The following LY75 variants were observed in gnomAD, a reference collection of about 807,000 sequenced individuals.
The protein encoded by LY75 is lymphocyte antigen 75.
A neutral mutation model predicts 231.7 loss-of-function variants in LY75; 185 were observed. The ratio of observed to expected loss-of-function variants is 0.80; its 90% CI spans 0.71 to 0.90. The LOEUF is 0.90. Ranked by LOEUF, LY75 falls within the 40% of genes least tolerant of loss-of-function variation. The probability of loss-of-function intolerance (pLI) is 0.00; values close to 1 mark genes in which losing one functional copy is unlikely to be tolerated. For synonymous variants in LY75, 668 were observed against 689.0 expected, an observed-to-expected ratio of 0.97 and a Z score of 0.48; for missense variants, 1,947 against 2,050.2, an observed-to-expected ratio of 0.95 and a Z score of 0.97.
At chr2:159,848,101 CACAT>C (rs1380980794) in intron 23 of LY75, among the ~76,000 whole-genome samples, 7 of 137,304 alleles carry the variant, frequency 5.1e-5, no homozygotes, top group Non-Finnish European at 1.0e-4. Context: ...TATACACACA[CACAT>C]ACACACACCA....
chr2:159,846,312 G>T (rs531251041), intron 23 of LY75, among the ~76,000 whole-genome samples: 2 of 152,170 alleles, frequency 1.3e-5, no homozygotes, highest in Admixed American at 1.3e-4. Context: ...ATCACTTGAA[G>T]CCAGGGGTTC....
chr2:159,878,711 C>A lies in LY75; in HGVS notation c.1526G>T (p.Arg509Ile), dbSNP rs1276418474. 2 of 1,613,922 alleles carry A rather than the reference C, an allele frequency of 1.2e-6. No individual in the cohort carries two copies. The highest frequency in any genetic ancestry group is 1.7e-6 in the Non-Finnish European group (2 of 1,179,888). Residue 509 changes from arginine (R) to isoleucine (I), a missense_variant, in exon 10 of 35, where the codon AGA (arginine) becomes ATA (isoleucine). Coordinates refer to ENST00000263636, the MANE Select transcript of LY75 (RefSeq NM_002349.4). ...AATCTTGTAACAGGTTTCTCCATGT[C>A]TCTTCCAGCCCTAAGTCAGAGGAAA... ...KMCPPDEGWK[R>I]HGETCYKIYE...
rs750612039 is a variant in LY75 at position 159,854,498 on chromosome 2, T to G, written c.2457A>C (p.Glu819Asp). Reference sequence around the variant, plus strand: ...CAGCAACAAACCAATATTCACTTCCTTCAATTATAAGTGGAGGTCCATGAA... The same window carrying G: ...CAGCAACAAACCAATATTCACTTCCGTCAATTATAAGTGGAGGTCCATGAA... ...AGIHGPPLII[E>D]GSEYWFVADL... Residue 819 changes from glutamate to aspartate, a missense_variant, in exon 18 of 35, where the codon GAA becomes GAC. Glu to Asp is a conservative substitution (Grantham distance 45). Coordinates refer to ENST00000263636, the MANE Select transcript of LY75 (RefSeq NM_002349.4). 2 of 1,613,442 alleles carry G rather than the reference T, an allele frequency of 1.2e-6. No individual in the cohort carries two copies. Among genetic ancestry groups the G allele is most frequent in the Non-Finnish European group, 1.7e-6 (2 of 1,179,550 alleles).
rs1685044685 is a variant in LY75, at chr2:159,872,488, T to C, written c.2080A>G (p.Ile694Val). 1 of 1,613,960 alleles carries C rather than the reference T, an allele frequency of 6.2e-7. No individual in the cohort carries two copies. The highest frequency in any genetic ancestry group is 8.5e-7 in the Non-Finnish European group (1 of 1,179,904). The change falls in exon 13 of 35, where the codon ATA becomes GTA. Residue 694 changes from isoleucine (I) to valine (V), a missense_variant. By Grantham distance (29) the Ile-to-Val change is conservative. Transcript: ENST00000263636. The stretch of plus-strand genomic sequence containing the variant: ...GTTAAAAAGTGAAGAAATTCCTTTA[T>C]TTCATCCACATGGCTGAAGCTAGAA... ...HLSSFSHVDE[I>V]KEFLHFLTDQ... is the part of the protein sequence containing the mutation.
intron 2 of LY75, among the ~76,000 whole-genome samples, chr2:159,898,142 C>T (rs1685954220): frequency 6.6e-6 from 1 of 152,138 alleles, no homozygotes; most frequent in Non-Finnish European, 1.5e-5. Flanking sequence ...CACTATGTTG[C>T]CCAGGCTGAA....
Position 159,885,285 on chromosome 2 carries a change from T to A in LY75, c.922A>T (p.Ser308Cys), listed in dbSNP as rs750623951. Residue 308 changes from serine (S) to cysteine (C), a missense_variant, in exon 6 of 35, where the codon AGT becomes TGT. Ser to Cys is a moderately radical substitution (Grantham distance 112). Coordinates refer to ENST00000263636, the MANE Select transcript of LY75 (RefSeq NM_002349.4). ...NFLNWDPDRPSAPTIGGSSCA... is the reference protein window; with the variant it reads ...NFLNWDPDRPCAPTIGGSSCA... ...CTGGAGCCACCTATAGTAGGTGCAC[T>A]GGGCCTGTCTTAAAAGGGAACATTT... 3 of 1,612,966 alleles carry A rather than the reference T, an allele frequency of 1.9e-6. No individual in the cohort carries two copies. The highest frequency in any genetic ancestry group is 2.5e-6 in the Non-Finnish European group (3 of 1,179,372).
At chr2:159,894,895 TTC>T (rs1685867929) in intron 2 of LY75, among the ~76,000 whole-genome samples, 1 of 152,234 alleles carries the variant, frequency 6.6e-6, no homozygotes, top group Non-Finnish European at 1.5e-5. Context: ...TCAATACTAA[TTC>T]TCTTGGAAAG....
intron 18 of LY75, among the ~76,000 whole-genome samples, 197 bp downstream of exon 18, chr2:159,854,163 A>G (rs1245296958): frequency 2.6e-5 from 4 of 152,176 alleles, no homozygotes; most frequent in African/African-American, 9.6e-5. Flanking sequence ...GACATTTATT[A>G]TTAATCTTGT....
chr2:159,870,839 A>C (rs897834506), intron 13 of LY75, among the ~76,000 whole-genome samples: 1 of 151,968 alleles, frequency 6.6e-6, no homozygotes, highest in Non-Finnish European at 1.5e-5. Flanking sequence ...AAATCACTCA[A>C]AATCTTACTT....
intron 13 of LY75, among the ~76,000 whole-genome samples, chr2:159,865,880 A>G (rs55829648): frequency 0.24 from 36,680 of 152,138 alleles, 5,850 homozygotes; most frequent in Non-Finnish European, 0.36. Flanking sequence ...TTTCCCCTCA[A>G]ATACATTTAT....
In LY75 at chr2:159,850,049, A is replaced by T. The variant is rs754302951; in HGVS notation, c.3081T>A (p.Asp1027Glu). 1.2e-6 allele frequency: 2 copies of T among 1,614,000 alleles called. No individual in the cohort carries two copies. The highest frequency in any genetic ancestry group is 1.1e-5 in the South Asian group (1 of 91,078). ...AGTTACTGTACGTCAGCTCTCTGTT[A>T]TCTGTCCATTTGTTTATCTTTTCAT... ...TAYEKINKWT[D>E]NRELTYSNFH... The change falls in exon 23 of 35, where the codon GAT (aspartate) becomes GAA (glutamate). Residue 1027 changes from aspartate to glutamate, a missense_variant. Coordinates refer to ENST00000263636, the MANE Select transcript of LY75 (RefSeq NM_002349.4).
chr2:159,881,985 C>T (rs1685450595), intron 7 of LY75, 139 bp downstream of exon 7: 1 of 1,040,388 alleles, frequency 9.6e-7, no homozygotes, highest in South Asian at 1.8e-5. Flanking sequence ...AGAACAGTTC[C>T]ATCACCAGAG....
chr2:159,842,469 C>A, intron 23 of LY75, 95 bp from the exon 24 acceptor site: 1 of 1,379,580 alleles, frequency 7.2e-7, no homozygotes, highest in Middle Eastern at 2.0e-4. Flanking sequence ...ATTTGTCCCC[C>A]TATAAAAGAA....
Position 159,804,929 on chromosome 2 carries a change from T to C in LY75, c.*115A>G, listed in dbSNP as rs1254395079. 23 of 764,382 alleles carry C rather than the reference T, an allele frequency of 3.0e-5. 1 individual carries two copies. The Admixed American group carries it at 5.9e-4, about 20-fold the overall frequency. 47.3% of individuals were successfully genotyped at this position (764,382 alleles called of 1,614,324 possible). A position where few individuals can be genotyped will look rare whatever the true frequency, so the allele number is the denominator to read the frequency against. On this transcript the variant is annotated 3_prime_UTR_variant, in exon 35 of 35. Coordinates refer to ENST00000263636, the MANE Select transcript of LY75 (RefSeq NM_002349.4). ...AGCACATGCCTAAGATCTAAACAACTGAAAAAGTATTTAAGAGTTCTACTT... is the reference window on the plus strand; with the variant it reads ...AGCACATGCCTAAGATCTAAACAACCGAAAAAGTATTTAAGAGTTCTACTT...
At chr2:159,890,102 G>T in intron 4 of LY75, 111 bp downstream of exon 4, 1 of 1,390,670 alleles carries the variant, frequency 7.2e-7, no homozygotes, top group African/African-American at 1.5e-5. Context: ...TAAATCCCAA[G>T]AGAGGTCAGA....
At chr2:159,838,433 T>C (rs1342152679) in intron 25 of LY75, among the ~76,000 whole-genome samples, 1 of 152,160 alleles carries the variant, frequency 6.6e-6, no homozygotes, top group African/African-American at 2.4e-5. Flanking sequence ...TCCAACTGTC[T>C]AAAAAATAAA....
chr2:159,879,973 T>C (rs879637204), intron 8 of LY75, among the ~76,000 whole-genome samples: 10 of 152,226 alleles, frequency 6.6e-5, no homozygotes, highest in Non-Finnish European at 1.0e-4. Context: ...GTTTTGAACA[T>C]TGGAATGCTG....
chr2:159,850,773 C>CATATATATATAT (rs67887100), intron 21 of LY75, among the ~76,000 whole-genome samples: 13 of 27,174 alleles, frequency 4.8e-4, no homozygotes, highest in African/African-American at 1.2e-3. Context: ...TTCAAACTTT[C>CATATATATATAT]ATATATATAT....
intron 23 of LY75, among the ~76,000 whole-genome samples, chr2:159,847,808 A>G (rs913609932): frequency 6.6e-6 from 1 of 152,034 alleles, no homozygotes; most frequent in Non-Finnish European, 1.5e-5. Flanking sequence ...TATATTACCT[A>G]TATCCTTTGA....
Sources: gnomAD v4.1 joint callset for allele counts (sites outside exome capture counted in the v4.1 genomes callset) on GRCh38, gnomAD v4.1.1 for gene constraint, MANE v1.5 for transcripts, NCBI Gene and HGNC (gene_info 2026-07-23, HGNC 2026-07-21) for gene names.